Variants in ANKRD55 observed in about 807,000 individuals in gnomAD.
ANKRD55 encodes ankyrin repeat domain 55.
Under a neutral mutation model 60.6 loss-of-function variants are expected in ANKRD55, and 41 were observed. The ratio of observed to expected loss-of-function variants is 0.68; its 90% CI spans 0.53 to 0.88. The LOEUF (loss-of-function observed/expected upper bound fraction) is 0.88, where lower values mean the gene tolerates loss of function less well. ANKRD55 is among the 40% of genes least tolerant of loss of function. ANKRD55 has a pLI of 0.00. For missense variants in ANKRD55, 732 were observed against 767.6 expected, an observed-to-expected ratio of 0.95 and a Z score of 0.55; for synonymous variants, 264 against 290.3, an observed-to-expected ratio of 0.91 and a Z score of 0.92.
intron 4 of ANKRD55, among the ~76,000 whole-genome samples, chr5:56,174,830 CA>C (rs59849503): frequency 0.2 from 13,439 of 66,032 alleles, 995 homozygotes; most frequent in African/African-American, 0.37. Flanking sequence ...GACTCTGTCT[CA>C]AAAAAAAAAA....
chr5:56,142,766 C>T (rs944043705), intron 7 of ANKRD55, among the ~76,000 whole-genome samples: 4 of 152,072 alleles, frequency 2.6e-5, no homozygotes, highest in Non-Finnish European at 4.4e-5. Flanking sequence ...AGACTGGCAG[C>T]GATGGTGGCA....
At chr5:56,222,012 C>T (rs376785721) in intron 2 of ANKRD55, among the ~76,000 whole-genome samples, 41 of 152,276 alleles carry the variant, frequency 2.7e-4, no homozygotes, top group South Asian at 1.0e-3. Context: ...TCTCCCAGCA[C>T]GGAGTTTGAG....
At chr5:56,219,582 A>G (rs1432643548) in intron 2 of ANKRD55, among the ~76,000 whole-genome samples, 1 of 152,218 alleles carries the variant, frequency 6.6e-6, no homozygotes, top group East Asian at 1.9e-4. Flanking sequence ...ATATCAGAAA[A>G]TCTGACATGT....
intron 8 of ANKRD55, among the ~76,000 whole-genome samples, chr5:56,122,495 A>G (rs1251348114): frequency 6.6e-6 from 1 of 151,654 alleles, no homozygotes; most frequent in Non-Finnish European, 1.5e-5. Flanking sequence ...TACTAAAAAA[A>G]AAACAAACCC....
At chr5:56,230,602 A>G (rs1760230365) in intron 2 of ANKRD55, among the ~76,000 whole-genome samples, 1 of 152,192 alleles carries the variant, frequency 6.6e-6, no homozygotes, top group Admixed American at 6.5e-5. Context: ...TGGTTTGTCC[A>G]ACAATATAGT....
chr5:56,132,424 C>CA (rs34289990), intron 7 of ANKRD55, among the ~76,000 whole-genome samples: 17,189 of 120,314 alleles, frequency 0.14, 1,508 homozygotes, highest in East Asian at 0.4. Flanking sequence ...ACTTAAAATA[C>CA]AAAAAAAAAA....
At chr5:56,115,316 T>G (rs1190284193) in intron 9 of ANKRD55, among the ~76,000 whole-genome samples, 2 of 150,638 alleles carry the variant, frequency 1.3e-5, no homozygotes, top group Non-Finnish European at 2.9e-5. Context: ...GGAACCCACT[T>G]TATTCTATTT....
At chr5:56,178,885 A>G (rs1183933603) in intron 3 of ANKRD55, among the ~76,000 whole-genome samples, 3 of 118,014 alleles carry the variant, frequency 2.5e-5, no homozygotes, top group African/African-American at 9.9e-5. Context: ...AGCAATTATA[A>G]AACATCTGAA....
intron 8 of ANKRD55, among the ~76,000 whole-genome samples, chr5:56,124,158 C>T (rs1338414429): frequency 6.6e-6 from 1 of 152,192 alleles, no homozygotes; most frequent in Non-Finnish European, 1.5e-5. Context: ...GACAAGTAAA[C>T]TGCATATTAA....
At chr5:56,231,653 G>GCACACACA (rs34225686) in intron 2 of ANKRD55, among the ~76,000 whole-genome samples, 1 of 147,978 alleles carries the variant, frequency 6.8e-6, no homozygotes, top group Non-Finnish European at 1.5e-5. Context: ...CTGAAGGCGC[G>GCACACACA]CACACACACA....
At chr5:56,221,531 C>T (rs1345601623) in intron 2 of ANKRD55, among the ~76,000 whole-genome samples, 2 of 152,206 alleles carry the variant, frequency 1.3e-5, no homozygotes, top group African/African-American at 4.8e-5. Flanking sequence ...CGAGCATGAG[C>T]CGAAGCAGGG....
intron 4 of ANKRD55, among the ~76,000 whole-genome samples, chr5:56,174,223 A>G (rs998818038): frequency 6.6e-6 from 1 of 152,186 alleles, no homozygotes; most frequent in East Asian, 1.9e-4. Context: ...GGTGTCCATC[A>G]TTATTCACCG....
chr5:56,120,193 C>T (rs1398219666), intron 8 of ANKRD55, among the ~76,000 whole-genome samples: 1 of 152,076 alleles, frequency 6.6e-6, no homozygotes, highest in African/African-American at 2.4e-5. Context: ...CGGGCCACCA[C>T]ACCCAGCTAA....
At chr5:56,140,012 C>T (rs895978148) in intron 7 of ANKRD55, among the ~76,000 whole-genome samples, 11 of 152,084 alleles carry the variant, frequency 7.2e-5, no homozygotes, top group African/African-American at 2.4e-4. Context: ...CTTAGTTTAC[C>T]TAGTAGGCCT....
chr5:56,211,754 T>C (rs1411754999), intron 2 of ANKRD55, among the ~76,000 whole-genome samples: 1 of 152,220 alleles, frequency 6.6e-6, no homozygotes, highest in Non-Finnish European at 1.5e-5. Context: ...TGTGGCATGG[T>C]GTTTTGCCTT....
chr5:56,165,754 A>G (rs907436694), intron 5 of ANKRD55, among the ~76,000 whole-genome samples: 4 of 151,900 alleles, frequency 2.6e-5, no homozygotes, highest in African/African-American at 7.3e-5. Flanking sequence ...ACATGGAGAA[A>G]CCCCATCTCT....
intron 6 of ANKRD55, among the ~76,000 whole-genome samples, chr5:56,145,258 T>G (rs1757868365): frequency 6.6e-6 from 1 of 152,242 alleles, no homozygotes. Context: ...ACAGTCAAAC[T>G]ACATTCCCCA....
In ANKRD55 at chr5:56,124,997, A is replaced by G. The variant is rs1237077608; in HGVS notation, c.797+1925T>C. Among the ~76,000 whole-genome samples the G allele has an allele frequency of 2.6e-5, 4 of 152,154 alleles. No homozygotes were observed. The East Asian group carries it at 7.7e-4, about 29-fold the overall frequency. On this transcript the variant is annotated intron_variant, in intron 8 of 11. Transcript: ENST00000341048. ...CCTTTTGAACTCTCCTTATCTTTGTACTTTCTTTTTTCCCCTTAGTTTTAC... is the reference window on the plus strand; with the variant it reads ...CCTTTTGAACTCTCCTTATCTTTGTGCTTTCTTTTTTCCCCTTAGTTTTAC...
In ANKRD55 at chr5:56,162,672, A is replaced by ATTT. The variant is rs148386596; in HGVS notation, c.423-2780_423-2779insAAA. Among the ~76,000 whole-genome samples, 14 of 147,044 alleles carry ATTT rather than the reference A, an allele frequency of 9.5e-5. 1 individual carries two copies. The highest frequency in any genetic ancestry group is 6.7e-5 in the Admixed American group (1 of 14,834). On this transcript the variant is annotated intron_variant, in intron 5 of 11. Coordinates refer to ENST00000341048, the MANE Select transcript of ANKRD55 (RefSeq NM_024669.3). ...ATCTCTTGTTGGTCAATTTTTGGTCAATTTTTTTTTTTTTTGAGACAAGCT... is the reference window on the plus strand; with the variant it reads ...ATCTCTTGTTGGTCAATTTTTGGTCATTTATTTTTTTTTTTTTTGAGACAAGCT...
Sources: gnomAD v4.1 joint callset for allele counts (sites outside exome capture counted in the v4.1 genomes callset) on GRCh38, gnomAD v4.1.1 for gene constraint, MANE v1.5 for transcripts, NCBI Gene and HGNC (gene_info 2026-07-23, HGNC 2026-07-21) for gene names.